Variants in RAD52 observed in about 807,000 individuals in gnomAD.
The protein encoded by RAD52 is DNA repair protein RAD52 homolog.
RAD52 carries 47 observed loss-of-function variants against 55.5 expected under a neutral mutation model. That is an observed-to-expected ratio of 0.85 (90% CI 0.67 to 1.08). The LOEUF (loss-of-function observed/expected upper bound fraction) is 1.08. Among genes scored for constraint, RAD52 ranks in the 50% least tolerant of loss-of-function variants. The pLI is 0.00. For missense variants in RAD52, 468 were observed against 522.8 expected, an observed-to-expected ratio of 0.90 and a Z score of 1.02; for synonymous variants, 184 against 198.9, an observed-to-expected ratio of 0.92 and a Z score of 0.63.
At chr12:938,100 G>A (rs1000443590) in intron 1 of RAD52, among the ~76,000 whole-genome samples, 1 of 152,128 alleles carries the variant, frequency 6.6e-6, no homozygotes, top group Non-Finnish European at 1.5e-5. Flanking sequence ...AACTACTTGG[G>A]AATAAAAAGG....
intron 1 of RAD52, among the ~76,000 whole-genome samples, chr12:959,455 T>C (rs1337140265): frequency 6.6e-6 from 1 of 152,306 alleles, no homozygotes; most frequent in East Asian, 1.9e-4. Flanking sequence ...AAATAGCAGG[T>C]CACAGGTTAT....
At chr12:949,909 C>T (rs536236484), upstream of RAD52, among the ~76,000 whole-genome samples, 2 of 152,316 alleles carry the variant, frequency 1.3e-5, no homozygotes, top group Non-Finnish European at 2.9e-5. Context: ...CCTGCGCGCC[C>T]TCTGCCTCCT....
intron 1 of RAD52, among the ~76,000 whole-genome samples, chr12:983,168 C>T (rs1025582641): frequency 6.6e-6 from 1 of 152,014 alleles, no homozygotes; most frequent in African/African-American, 2.4e-5. Context: ...CTTTTTCCAG[C>T]ACGCACCTCA....
intron 1 of RAD52, chr12:936,946 C>A (rs543041427): frequency 1.3e-5 from 2 of 152,358 alleles, no homozygotes; most frequent in South Asian, 4.1e-4. Flanking sequence ...TCCCTTACCT[C>A]CTGCTCATAC....
At chr12:959,433 G>A (rs1317283969) in intron 1 of RAD52, among the ~76,000 whole-genome samples, 1 of 152,174 alleles carries the variant, frequency 6.6e-6, no homozygotes, top group East Asian at 1.9e-4. Flanking sequence ...TACTGTCACG[G>A]AGCTTACAAT....
chr12:931,171 G>C, intron 3 of RAD52, 49 bp downstream of exon 3: 1 of 1,462,422 alleles, frequency 6.8e-7, no homozygotes. Flanking sequence ...CAAGACCATC[G>C]GAGTCTGCGG....
At chr12:933,997 G>A (rs1046870485) in intron 1 of RAD52, among the ~76,000 whole-genome samples, 1 of 151,512 alleles carries the variant, frequency 6.6e-6, no homozygotes, top group Non-Finnish European at 1.5e-5. Context: ...TGCTACTTAG[G>A]AGGCTGATGT....
intron 1 of RAD52, among the ~76,000 whole-genome samples, chr12:944,855 T>C (rs1958124722): frequency 6.6e-6 from 1 of 150,968 alleles, no homozygotes; most frequent in Non-Finnish European, 1.5e-5. Context: ...CCATTTCTTA[T>C]TATATGTGGA....
Position 913,289 on chromosome 12 carries a change from A to G in RAD52, c.*102T>C. ...TTCAGAATGAAGCAAGATAAATCGC[A>G]ATGACGTTCATTCTCCAGCAGCGAT... On this transcript the variant is annotated 3_prime_UTR_variant, in exon 12 of 12. Coordinates refer to ENST00000358495, the MANE Select transcript of RAD52 (RefSeq NM_134424.4). 5.7e-6 allele frequency: 5 copies of G among 882,520 alleles called. No individual in the cohort carries two copies. Among genetic ancestry groups the G allele is most frequent in the Non-Finnish European group, 7.3e-6 (4 of 549,088 alleles). The allele number at this position is 882,520 out of a possible 1,614,324, so 54.7% of individuals were successfully genotyped here.
chr12:927,243 A>G lies in RAD52; in HGVS notation c.369T>C (p.Asp123=), dbSNP rs772025343. The G allele has an allele frequency of 2.5e-6, 4 of 1,613,464 alleles. No homozygotes were observed. Among genetic ancestry groups the G allele is most frequent in the African/African-American group, 1.3e-5 (1 of 74,868 alleles). The change falls in exon 6 of 12, where the codon GAT becomes GAC. Residue 123 remains aspartate, a synonymous_variant. Transcript: ENST00000358495. ...GGCCCTCACTAACACCATAACCAAC[A>G]TCTTCATGATATGAACCATCCTGGG... ...VQLKDGSYHE[D]VGYGVSEGLK... is the part of the protein sequence containing the mutation.
chr12:953,758 A>G (rs539821040), upstream of RAD52, among the ~76,000 whole-genome samples: 9 of 152,230 alleles, frequency 5.9e-5, no homozygotes, highest in South Asian at 2.1e-4. Flanking sequence ...CCTGCCTGCC[A>G]CAGCATTTCC....
intron 1 of RAD52, among the ~76,000 whole-genome samples, chr12:978,086 C>T (rs576346127): frequency 4.0e-4 from 61 of 152,364 alleles, no homozygotes; most frequent in Non-Finnish European, 1.9e-4. Flanking sequence ...CACAGACTGG[C>T]TACTGAGATA....
rs369055375 is a variant in RAD52 at position 913,064 on chromosome 12, GGGCAAGGA to G, written c.*319_*326del. The G allele has an allele frequency of 0.43, 119,891 of 278,488 alleles. 26,111 individuals carry two copies. Among genetic ancestry groups the G allele is most frequent in the Admixed American group, 0.51 (9,998 of 19,472 alleles). 17.3% of individuals were successfully genotyped at this position (278,488 alleles called of 1,614,324 possible). A position where few individuals can be genotyped will look rare whatever the true frequency, so the allele number is the denominator to read the frequency against. Reference sequence around the variant, plus strand: ...ACCAAGTCTGGCCTATATTGCTTGAGGGCAAGGAGCCATTGGTGATTCCTAAAATGTCC... The same window carrying G: ...ACCAAGTCTGGCCTATATTGCTTGAGGCCATTGGTGATTCCTAAAATGTCC... On this transcript the variant is annotated 3_prime_UTR_variant, in exon 12 of 12. Coordinates refer to ENST00000358495, the MANE Select transcript of RAD52 (RefSeq NM_134424.4).
At chr12:916,283 C>T in intron 9 of RAD52, 61 bp downstream of exon 9, 2 of 1,586,188 alleles carry the variant, frequency 1.3e-6, no homozygotes, top group East Asian at 2.2e-5. Context: ...ATCAGAAGAC[C>T]CTGCGGCTAC....
At chr12:933,427 A>T (rs960833391) in intron 1 of RAD52, among the ~76,000 whole-genome samples, 3 of 150,644 alleles carry the variant, frequency 2.0e-5, no homozygotes, top group African/African-American at 7.3e-5. Context: ...CCTGCACTCC[A>T]GCCTGGGCGA....
intron 1 of RAD52, among the ~76,000 whole-genome samples, chr12:978,543 G>A (rs954806063): frequency 1.3e-5 from 2 of 152,046 alleles, no homozygotes; most frequent in African/African-American, 4.8e-5. Flanking sequence ...GCTCAGGCCC[G>A]TAATCCTAGC....
At chr12:972,041 T>C (rs1958866107) in intron 1 of RAD52, among the ~76,000 whole-genome samples, 1 of 152,210 alleles carries the variant, frequency 6.6e-6, no homozygotes, top group South Asian at 2.1e-4. Context: ...AATAATCTCA[T>C]TTTGGGAGTA....
At position 913,373 on chromosome 12, in the gene RAD52, A is replaced by G; in HGVS notation, c.*18T>C. ...AGTCCCTTTGTGACAGAGTCCAATT[A>G]TGTGGCCTGAGCCTCAGTTAAGATG... On this transcript the variant is annotated 3_prime_UTR_variant, in exon 12 of 12. Coordinates refer to ENST00000358495, the MANE Select transcript of RAD52 (RefSeq NM_134424.4). 6.3e-7 allele frequency: 1 copy of G among 1,575,372 alleles called. No individual in the cohort carries two copies. The highest frequency in any genetic ancestry group is 8.7e-7 in the Non-Finnish European group (1 of 1,149,132).
intron 1 of RAD52, among the ~76,000 whole-genome samples, chr12:971,708 G>A (rs73029385): frequency 0.043 from 6,615 of 152,134 alleles, 352 homozygotes; most frequent in African/African-American, 0.13. Context: ...CGTATAACTC[G>A]TATGATACTC....
Sources: gnomAD v4.1 joint callset for allele counts (sites outside exome capture counted in the v4.1 genomes callset) on GRCh38, gnomAD v4.1.1 for gene constraint, MANE v1.5 for transcripts, NCBI Gene and HGNC (gene_info 2026-07-23, HGNC 2026-07-21) for gene names.